CORO2A: variants seen among roughly 807,000 people sequenced by gnomAD.
CORO2A encodes the protein coronin-2A.
A neutral mutation model predicts 62.4 loss-of-function variants in CORO2A; 47 were observed. The ratio of observed to expected loss-of-function variants is 0.75; its 90% CI spans 0.60 to 0.96. The LOEUF (loss-of-function observed/expected upper bound fraction) is 0.96. Among genes scored for constraint, CORO2A ranks in the 40% least tolerant of loss-of-function variants. The probability of loss-of-function intolerance (pLI) is 0.00; values close to 1 mark genes in which losing one functional copy is unlikely to be tolerated. For synonymous variants in CORO2A, 273 were observed against 268.9 expected, an observed-to-expected ratio of 1.02 and a Z score of -0.15; for missense variants, 610 against 684.1, an observed-to-expected ratio of 0.89 and a Z score of 1.21.
intron 1 of CORO2A, among the ~76,000 whole-genome samples, chr9:98,167,397 C>T (rs776498913): frequency 9.2e-5 from 14 of 152,090 alleles, no homozygotes; most frequent in East Asian, 5.8e-4. Flanking sequence ...GATGGCTGCA[C>T]GGCAGTATGA....
intron 1 of CORO2A, among the ~76,000 whole-genome samples, chr9:98,182,716 A>T (rs1172663386): frequency 6.6e-6 from 1 of 152,238 alleles, no homozygotes; most frequent in Non-Finnish European, 1.5e-5. Context: ...ATCTGTAAAA[A>T]GAGGACAAGA....
rs190450907 is a variant in CORO2A at position 98,157,773 on chromosome 9, T to A, written c.1-113A>T. ...GGGTACGAGCAGGACAGTGGTCAGT[T>A]CAACGTGGACGGTGATGCACTGTGA... On this transcript the variant is annotated intron_variant, in intron 1 of 11. Coordinates refer to ENST00000375077, the MANE Select transcript of CORO2A (RefSeq NM_052820.4). 1.6e-4 allele frequency: 157 copies of A among 956,814 alleles called. No homozygotes were observed. In the African/African-American group the frequency reaches 2.4e-3, roughly 14 times the overall value. The allele number at this position is 956,814 out of a possible 1,614,324, so 59.3% of individuals were successfully genotyped here.
chr9:98,137,194 G>A (rs551134760), intron 3 of CORO2A, among the ~76,000 whole-genome samples: 15 of 152,238 alleles, frequency 9.9e-5, no homozygotes, highest in African/African-American at 3.1e-4. Context: ...TTTATAGCTC[G>A]CTTCCTCACT....
At chr9:98,163,101 T>G (rs907293411) in intron 1 of CORO2A, among the ~76,000 whole-genome samples, 1 of 152,252 alleles carries the variant, frequency 6.6e-6, no homozygotes, top group Non-Finnish European at 1.5e-5. Context: ...GTGGGCCTGA[T>G]GCCATGGGAT....
intron 2 of CORO2A, among the ~76,000 whole-genome samples, chr9:98,147,942 T>C (rs1827665272): frequency 6.6e-6 from 1 of 152,090 alleles, no homozygotes; most frequent in African/African-American, 2.4e-5. Flanking sequence ...TAGAATACTA[T>C]TCAGCAGTAA....
chr9:98,155,297 GCCTTT>G, intron 2 of CORO2A, among the ~76,000 whole-genome samples: 1 of 149,514 alleles, frequency 6.7e-6, no homozygotes. Flanking sequence ...TCTATAGCTC[GCCTTT>G]CCTTTTGCTA....
chr9:98,188,196 C>T (rs1426844895), intron 1 of CORO2A, among the ~76,000 whole-genome samples: 1 of 152,114 alleles, frequency 6.6e-6, no homozygotes. Flanking sequence ...GCCTGACTCA[C>T]CCCTCTCCTT....
intron 1 of CORO2A, among the ~76,000 whole-genome samples, chr9:98,188,757 G>C (rs181672949): frequency 6.6e-6 from 1 of 152,048 alleles, no homozygotes; most frequent in Non-Finnish European, 1.5e-5. Context: ...GAGACAGAGC[G>C]AGACTCTGTC....
At chr9:98,181,953 A>C (rs1352820689) in intron 1 of CORO2A, among the ~76,000 whole-genome samples, 3 of 152,172 alleles carry the variant, frequency 2.0e-5, no homozygotes, top group African/African-American at 7.2e-5. Flanking sequence ...TCACCTCCTT[A>C]AAAGAGCCAT....
At chr9:98,157,275 A>T in intron 2 of CORO2A, 185 bp downstream of exon 2, 1 of 590,614 alleles carries the variant, frequency 1.7e-6, no homozygotes, top group South Asian at 2.2e-5. Flanking sequence ...CTAGAGGCTA[A>T]AATTCAGGAC....
In CORO2A at chr9:98,130,942, G is replaced by A. The variant is rs759962538; in HGVS notation, c.870+13C>T. On this transcript the variant is annotated intron_variant, in intron 7 of 11. Coordinates refer to ENST00000375077, the MANE Select transcript of CORO2A (RefSeq NM_052820.4). ...GGGTCCAGGAGGTCACCTCCCTCCC[G>A]TGCCAAGCCGACCTTCCCCACCACG... is the stretch of plus-strand genomic sequence containing the variant. 1.9e-5 allele frequency: 31 copies of A among 1,609,774 alleles called. No homozygotes were observed. Among genetic ancestry groups the A allele is most frequent in the African/African-American group, 1.9e-4 (14 of 74,794 alleles).
intron 11 of CORO2A, among the ~76,000 whole-genome samples, chr9:98,125,732 T>TTTTG (rs1827307425): frequency 6.8e-6 from 1 of 147,564 alleles, no homozygotes; most frequent in Non-Finnish European, 1.5e-5. Flanking sequence ...TTTTTTTTTT[T>TTTTG]TTTGAGACAG....
chr9:98,177,457 G>GTTTTTTTTTTTTTTT (rs1174402008), intron 1 of CORO2A, among the ~76,000 whole-genome samples: 2 of 98,346 alleles, frequency 2.0e-5, no homozygotes, highest in African/African-American at 8.8e-5. Context: ...TCCAAACTTT[G>GTTTTTTTTTTTTTTT]TTTTTTTTTT....
chr9:98,138,745 T>C (rs1827524672), intron 2 of CORO2A, among the ~76,000 whole-genome samples: 1 of 152,110 alleles, frequency 6.6e-6, no homozygotes, highest in South Asian at 2.1e-4. Context: ...CCCTAAGTAA[T>C]GCATATGAAA....
At chr9:98,126,987 G>A in intron 10 of CORO2A, 164 bp from the exon 11 acceptor site, 1 of 743,566 alleles carries the variant, frequency 1.3e-6, no homozygotes. Flanking sequence ...AACCCACAGA[G>A]CAGGGCTAAC....
At chr9:98,145,461 C>T (rs1211915586) in intron 2 of CORO2A, among the ~76,000 whole-genome samples, 2 of 152,168 alleles carry the variant, frequency 1.3e-5, no homozygotes, top group Non-Finnish European at 2.9e-5. Flanking sequence ...ACCCCTAGAA[C>T]TGGAAGAGAC....
intron 2 of CORO2A, among the ~76,000 whole-genome samples, chr9:98,139,072 ATGCAG>A (rs1827532164): frequency 6.6e-6 from 1 of 151,458 alleles, no homozygotes; most frequent in African/African-American, 2.4e-5. Flanking sequence ...AGAAAGAAAA[ATGCAG>A]AACGATACAT....
At chr9:98,181,276 G>C (rs956002627) in intron 1 of CORO2A, among the ~76,000 whole-genome samples, 46 of 149,318 alleles carry the variant, frequency 3.1e-4, no homozygotes, top group African/African-American at 1.1e-3. Flanking sequence ...TGTACCCAAT[G>C]CCAATCCATC....
Position 98,134,944 on chromosome 9 carries a change from C to A in CORO2A, c.330G>T (p.Trp110Cys). 5 of 1,614,038 alleles carry A rather than the reference C, an allele frequency of 3.1e-6. No homozygotes were observed. The highest frequency in any genetic ancestry group is 4.2e-6 in the Non-Finnish European group (5 of 1,179,994). The part of the protein sequence containing the change: ...SCSEDATIKI[W>C]SIPKQLLTRN... ...TGGTCAGCAGCTGCTTGGGGATGCTCCAGATCTTAATCTGGCAGGGGAGAC... is the reference window on the plus strand; with the variant it reads ...TGGTCAGCAGCTGCTTGGGGATGCTACAGATCTTAATCTGGCAGGGGAGAC... The change falls in exon 4 of 12, where the codon TGG becomes TGT. Residue 110 changes from tryptophan to cysteine, a missense_variant. Trp to Cys is a radical substitution (Grantham distance 215). Transcript: ENST00000375077.
Sources: gnomAD v4.1 joint callset for allele counts (sites outside exome capture counted in the v4.1 genomes callset) on GRCh38, gnomAD v4.1.1 for gene constraint, MANE v1.5 for transcripts, NCBI Gene and HGNC (gene_info 2026-07-23, HGNC 2026-07-21) for gene names.